The following PDCD6 variants were observed in gnomAD, a reference collection of about 807,000 sequenced individuals.
The protein encoded by PDCD6 is programmed cell death protein 6.
A neutral mutation model predicts 28.3 loss-of-function variants in PDCD6; 12 were observed. The observed-to-expected ratio is 0.42, with a 90% CI of 0.27 to 0.69. The LOEUF is 0.69. PDCD6 is among the 30% of genes least tolerant of loss of function. The pLI is 0.22. For synonymous variants in PDCD6, 92 were observed against 108.0 expected (o/e 0.85, Z 0.92); for missense variants, 226 against 269.9 (o/e 0.84, Z 1.14).
intron 4 of PDCD6, 83 bp from the exon 5 acceptor site, chr5:311,209 TG>T: frequency 1.0e-6 from 1 of 985,802 alleles, no homozygotes; most frequent in Non-Finnish European, 1.6e-6. Context: ...TTAGAGGCTG[TG>T]GGCCTTGGGC....
intron 2 of PDCD6, among the ~76,000 whole-genome samples, chr5:277,879 C>G (rs1191103237): frequency 6.9e-6 from 1 of 144,546 alleles, no homozygotes; most frequent in Non-Finnish European, 1.5e-5. Flanking sequence ...AGCGCCACTG[C>G]ACTCCAGCCT....
rs1312655647 is a variant in PDCD6 at position 306,758 on chromosome 5, T to G, written c.365T>G (p.Phe122Cys). The change falls in exon 4 of 6, where the codon TTC becomes TGC. Residue 122 changes from phenylalanine to cysteine, a missense_variant and splice_region_variant. By Grantham distance (205) the Phe-to-Cys change is radical. Transcript: ENST00000264933. ...KNELKQALSG[F>C]GYRLSDQFHD... Reference sequence around the variant, plus strand: ...GAGCTGAAGCAGGCCCTCTCAGGTTTCGGTAACTCACTCACTCTGGCTTGT... The same window carrying G: ...GAGCTGAAGCAGGCCCTCTCAGGTTGCGGTAACTCACTCACTCTGGCTTGT... 6.2e-7 allele frequency: 1 copy of G among 1,613,508 alleles called. No individual in the cohort carries two copies. Among genetic ancestry groups the G allele is most frequent in the Admixed American group, 1.7e-5 (1 of 60,018 alleles).
chr5:291,392 T>C (rs1258081451), intron 2 of PDCD6, among the ~76,000 whole-genome samples: 13 of 152,080 alleles, frequency 8.5e-5, no homozygotes, highest in Admixed American at 8.5e-4. Flanking sequence ...CCACCCACAC[T>C]GACATGGTTC....
intron 2 of PDCD6, among the ~76,000 whole-genome samples, chr5:282,128 A>T (rs139049196): frequency 1.5e-4 from 22 of 151,168 alleles, no homozygotes; most frequent in African/African-American, 5.4e-4. Flanking sequence ...GGAACTGGAA[A>T]CCCAGAGAGG....
intron 2 of PDCD6, among the ~76,000 whole-genome samples, chr5:298,615 C>T (rs759539553): frequency 2.1e-4 from 30 of 144,520 alleles, no homozygotes; most frequent in Non-Finnish European, 4.0e-4. Context: ...GTGCAGCCAG[C>T]GGACCCTGCC....
chr5:313,761 G>T (rs1267937307), intron 5 of PDCD6: 1 of 154,078 alleles, frequency 6.5e-6, no homozygotes, highest in Non-Finnish European at 1.5e-5. Flanking sequence ...CTGCAGCCTC[G>T]ACCCTCAGGC....
At position 314,818 on chromosome 5, in the gene PDCD6, G is replaced by C; in HGVS notation, c.*303G>C. On this transcript the variant is annotated 3_prime_UTR_variant, in exon 6 of 6. Coordinates refer to ENST00000264933, the MANE Select transcript of PDCD6 (RefSeq NM_013232.4). ...ATCATGTGCTTTTCTAGATGTCTCT[G>C]GTTCTATAGTGCAAATGCTTTTATT... The C allele has an allele frequency of 2.2e-6, 1 of 459,620 alleles. No homozygotes were observed. The highest frequency in any genetic ancestry group is 2.1e-5 in the South Asian group (1 of 48,094). 28.5% of individuals were successfully genotyped at this position (459,620 alleles called of 1,614,324 possible). A position where few individuals can be genotyped will look rare whatever the true frequency, so the allele number is the denominator to read the frequency against.
intron 5 of PDCD6, among the ~76,000 whole-genome samples, chr5:312,903 T>C (rs1456678318): frequency 2.0e-5 from 3 of 151,052 alleles, no homozygotes; most frequent in African/African-American, 7.4e-5. Context: ...TTTGAGGTTC[T>C]GTGTCTGAAT....
At chr5:287,612 A>G (rs1217113853) in intron 2 of PDCD6, among the ~76,000 whole-genome samples, 1 of 152,202 alleles carries the variant, frequency 6.6e-6, no homozygotes, top group Non-Finnish European at 1.5e-5. Context: ...CATCTTTTCA[A>G]TCAGTTAGTC....
Position 271,835 on chromosome 5 carries a change from C to G in PDCD6, c.101+14C>G. On this transcript the variant is annotated intron_variant, in intron 1 of 5. Transcript: ENST00000264933. ...CGTTTTCCAGAGGTGCGGCCTGGCA[C>G]CGCCCGGGCACCTCCCGCCTCCGCC... 2 of 1,367,842 alleles carry G rather than the reference C, an allele frequency of 1.5e-6. No individual in the cohort carries two copies. The highest frequency in any genetic ancestry group is 1.9e-6 in the Non-Finnish European group (2 of 1,050,952). The allele number at this position is 1,367,842 out of a possible 1,614,324, so 84.7% of individuals were successfully genotyped here. A position where few individuals can be genotyped will look rare whatever the true frequency, so the allele number is the denominator to read the frequency against.
rs1016937000 is a variant in PDCD6, at chr5:305,485, T to C, written c.209-1117T>C. ...AGGGAGAGAAAACTTGGAAGTGTAG[T>C]AGTGGCAGGGCTCAGCCTTTAGTGC... On this transcript the variant is annotated intron_variant, in intron 3 of 5. Coordinates refer to ENST00000264933, the MANE Select transcript of PDCD6 (RefSeq NM_013232.4). This position sits in a 1 kb window ranked among gnomAD's most constrained non-coding sequence, Gnocchi z 4.0. 6.6e-6 allele frequency: 1 copy of C among 152,132 alleles called. No homozygotes were observed. Among genetic ancestry groups the C allele is most frequent in the Non-Finnish European group, 1.5e-5 (1 of 68,024 alleles). The allele number at this position is 152,132 out of a possible 1,614,324, so 9.4% of individuals were successfully genotyped here. A position where few individuals can be genotyped will look rare whatever the true frequency, so the allele number is the denominator to read the frequency against.
chr5:279,264 A>G (rs1395151425), intron 2 of PDCD6, among the ~76,000 whole-genome samples: 2 of 152,012 alleles, frequency 1.3e-5, no homozygotes, highest in Admixed American at 6.6e-5. Flanking sequence ...ATGGACTTAT[A>G]GGTGTTGCTT....
At chr5:308,762 G>C (rs1323605278) in intron 4 of PDCD6, 1 of 152,250 alleles carries the variant, frequency 6.6e-6, no homozygotes, top group Non-Finnish European at 1.5e-5. Context: ...CACCAGGGTG[G>C]TGAAGCCTGC....
At position 272,350 on chromosome 5, in the gene PDCD6, C is replaced by T. The variant is rs187040217; in HGVS notation, c.102-361C>T. Among the ~76,000 whole-genome samples the T allele has an allele frequency of 1.9e-3, 282 of 148,414 alleles. 1 individual carries two copies. The highest frequency in any genetic ancestry group is 6.9e-3 in the African/African-American group (269 of 38,898). On this transcript the variant is annotated intron_variant, in intron 1 of 5. Coordinates refer to ENST00000264933, the MANE Select transcript of PDCD6 (RefSeq NM_013232.4). ...TATGGCGGCGCCTTCTGTCCCTGGT[C>T]GCTTTTCCACCGAATGTCCGAAACT...
At chr5:277,327 G>C (rs1315694194) in intron 2 of PDCD6, among the ~76,000 whole-genome samples, 1 of 122,168 alleles carries the variant, frequency 8.2e-6, no homozygotes, top group East Asian at 2.3e-4. Flanking sequence ...TTTTTTTGAG[G>C]CAGAGTCTCT....
In PDCD6 at chr5:311,193, T is replaced by C. The variant is rs2672768; in HGVS notation, c.368-100T>C. The C allele has an allele frequency of 2.4e-3, 1,993 of 832,676 alleles. 36 individuals carry two copies. In the African/African-American group the frequency reaches 0.03, roughly 12 times the overall value. 51.6% of individuals were successfully genotyped at this position (832,676 alleles called of 1,614,324 possible). ...TCCGTTCCCACACAGCCTTGCATTG[T>C]GTGTGTTAGAGGCTGTGGGCCTTGG... On this transcript the variant is annotated intron_variant, in intron 4 of 5. Coordinates refer to ENST00000264933, the MANE Select transcript of PDCD6 (RefSeq NM_013232.4).
At chr5:277,402 T>C (rs375180866) in intron 2 of PDCD6, among the ~76,000 whole-genome samples, 3 of 149,194 alleles carry the variant, frequency 2.0e-5, no homozygotes, top group East Asian at 4.0e-4. Flanking sequence ...CCTGGGTTCA[T>C]GCCATTCTCC....
intron 2 of PDCD6, among the ~76,000 whole-genome samples, chr5:275,026 C>G (rs193265288): frequency 0.012 from 1,705 of 147,630 alleles, 36 homozygotes; most frequent in African/African-American, 0.036. Flanking sequence ...AGTCACTTTT[C>G]TTAGGCGCCC....
chr5:314,077 A>T (rs1283495438), intron 5 of PDCD6, among the ~76,000 whole-genome samples: 4 of 152,168 alleles, frequency 2.6e-5, no homozygotes, highest in African/African-American at 9.7e-5. Context: ...GAGCCACTGG[A>T]GGGTGGAGGG....
Sources: allele counts gnomAD v4.1 joint callset (sites outside exome capture counted in the v4.1 genomes callset), GRCh38; gene constraint gnomAD v4.1.1; non-coding constraint Gnocchi (gnomAD v3.1); transcripts MANE v1.5; gene names NCBI Gene and HGNC (gene_info 2026-07-23, HGNC 2026-07-21).